The following AGTR1 variants were observed in gnomAD, a reference collection of about 807,000 sequenced individuals.
AGTR1 encodes angiotensin II receptor type 1.
In AGTR1, 16 loss-of-function variants were observed where a neutral mutation model predicts 19.4. That is an observed-to-expected ratio of 0.82 (90% confidence interval 0.56 to 1.25). AGTR1 has a LOEUF of 1.25. AGTR1 is among the 50% of genes most tolerant of loss of function. The pLI is 0.00. For synonymous variants in AGTR1, 153 were observed against 154.9 expected (o/e 0.99, Z 0.09); for missense variants, 373 against 431.9 (o/e 0.86, Z 1.21).
chr3:148,705,144 G>A (rs995994963), intron 1 of AGTR1, among the ~76,000 whole-genome samples: 2 of 152,144 alleles, frequency 1.3e-5, no homozygotes, highest in South Asian at 2.1e-4. Flanking sequence ...CCCAATATTT[G>A]TGGCTGTGGC....
At chr3:148,707,762 GTGCCCACCACTTAA>G (rs1712752311) in intron 1 of AGTR1, among the ~76,000 whole-genome samples, 168 bp from the exon 2 acceptor site, 1 of 152,130 alleles carries the variant, frequency 6.6e-6, no homozygotes, top group African/African-American at 2.4e-5. Flanking sequence ...ATGAGATCCT[GTGCCCACCACTTAA>G]TGCAGTCTAG....
At position 148,741,744 on chromosome 3, in the gene AGTR1, G is replaced by T. The variant is rs1216176664; in HGVS notation, c.709G>T (p.Asp237Tyr). 1.9e-6 allele frequency: 3 copies of T among 1,613,730 alleles called. No homozygotes were observed. Among genetic ancestry groups the T allele is most frequent in the African/African-American group, 1.3e-5 (1 of 75,006 alleles). ...EIQKNKPRND[D>Y]IFKIIMAIVL... ...TCAGAAGAACAAACCAAGAAATGAT[G>T]ATATTTTTAAGATAATTATGGCAAT... The change falls in exon 3 of 3, where the codon GAT becomes TAT. Residue 237 changes from aspartate (D) to tyrosine (Y), a missense_variant. Coordinates refer to ENST00000349243, the MANE Select transcript of AGTR1 (RefSeq NM_000685.5).
intron 2 of AGTR1, among the ~76,000 whole-genome samples, chr3:148,720,551 C>A (rs1266434999): frequency 6.6e-6 from 1 of 152,096 alleles, no homozygotes; most frequent in African/African-American, 2.4e-5. Flanking sequence ...CATTGCCCTG[C>A]ATGAATAGTA....
intron 2 of AGTR1, among the ~76,000 whole-genome samples, chr3:148,734,888 C>A (rs1321997617): frequency 2.0e-5 from 3 of 152,180 alleles, no homozygotes; most frequent in African/African-American, 7.2e-5. Context: ...TAGGTTTAAG[C>A]AACTTATTTG....
chr3:148,727,679 G>A (rs1392707451), intron 2 of AGTR1, among the ~76,000 whole-genome samples: 1 of 152,162 alleles, frequency 6.6e-6, no homozygotes, highest in Non-Finnish European at 1.5e-5. Flanking sequence ...CTGTTTGAGA[G>A]CTCCTACTAA....
intron 1 of AGTR1, among the ~76,000 whole-genome samples, chr3:148,707,169 T>C (rs1964102): frequency 1.3e-5 from 2 of 151,928 alleles, no homozygotes; most frequent in East Asian, 3.9e-4. Flanking sequence ...GGAAATCTGC[T>C]AGCCATCATA....
intron 2 of AGTR1, among the ~76,000 whole-genome samples, chr3:148,715,959 C>A (rs1439752503): frequency 1.3e-5 from 2 of 152,110 alleles, no homozygotes; most frequent in African/African-American, 4.8e-5. Flanking sequence ...ACAACTAGTA[C>A]CCTGATGGAA....
chr3:148,717,191 C>CA (rs1207578186), intron 2 of AGTR1, among the ~76,000 whole-genome samples: 1 of 151,798 alleles, frequency 6.6e-6, no homozygotes, highest in Non-Finnish European at 1.5e-5. Context: ...TAAAGGAAGA[C>CA]AAAAAAGATC....
intron 1 of AGTR1, among the ~76,000 whole-genome samples, chr3:148,706,303 G>A (rs1712665680): frequency 1.3e-5 from 2 of 151,768 alleles, no homozygotes; most frequent in Admixed American, 6.6e-5. Context: ...CATTTTATGG[G>A]AACTTTCTTT....
At chr3:148,730,936 C>T (rs1576536177) in intron 2 of AGTR1, among the ~76,000 whole-genome samples, 1 of 152,138 alleles carries the variant, frequency 6.6e-6, no homozygotes, top group East Asian at 1.9e-4. Flanking sequence ...GTGATGAGCA[C>T]TTGAAATGTC....
At chr3:148,740,785 T>C (rs1290991104) in intron 2 of AGTR1, among the ~76,000 whole-genome samples, 1 of 152,238 alleles carries the variant, frequency 6.6e-6, no homozygotes, top group Non-Finnish European at 1.5e-5. Flanking sequence ...TACCATTTTC[T>C]ACAAAAGCAA....
chr3:148,726,170 G>A (rs965244824), intron 2 of AGTR1, among the ~76,000 whole-genome samples: 2 of 151,752 alleles, frequency 1.3e-5, no homozygotes, highest in African/African-American at 4.8e-5. Context: ...CCCAATTCTA[G>A]TTCTAAGTTT....
chr3:148,739,188 G>A (rs1027499402), intron 2 of AGTR1, among the ~76,000 whole-genome samples: 4 of 151,990 alleles, frequency 2.6e-5, no homozygotes, highest in East Asian at 1.9e-4. Flanking sequence ...GCAAAACCCC[G>A]TCTCTACTAA....
At position 148,741,188 on chromosome 3, in the gene AGTR1, A is replaced by G. The variant is rs1714852761; in HGVS notation, c.153A>G (p.Ile51Met). Reference protein sequence around the residue: ...VGIFGNSLVVIVIYFYMKLKT... With the variant: ...VGIFGNSLVVMVIYFYMKLKT... The stretch of plus-strand genomic sequence containing the variant: ...TATTTGGAAACAGCTTGGTGGTGAT[A>G]GTCATTTACTTTTATATGAAGCTGA... Residue 51 changes from isoleucine to methionine, a missense_variant, in exon 3 of 3, where the codon ATA becomes ATG. Coordinates refer to ENST00000349243, the MANE Select transcript of AGTR1 (RefSeq NM_000685.5). 1.9e-6 allele frequency: 3 copies of G among 1,614,152 alleles called. No homozygotes were observed. Among genetic ancestry groups the G allele is most frequent in the Non-Finnish European group, 2.5e-6 (3 of 1,180,024 alleles).
chr3:148,711,184 A>G lies in AGTR1; in HGVS notation c.-48+3157A>G, dbSNP rs139604603. Among the ~76,000 whole-genome samples, 712 of 152,288 alleles carry G rather than the reference A, an allele frequency of 4.7e-3. 10 individuals carry two copies. The highest frequency in any genetic ancestry group is 0.017 in the African/African-American group (694 of 41,558). On this transcript the variant is annotated intron_variant, in intron 2 of 2. Transcript: ENST00000349243. ...TCCTGCTGTATTCTTAAAGTTCTTA[A>G]TCACTATTTGTCACTAATACGATAA...
rs1188854735 is a variant in AGTR1 at position 148,709,233 on chromosome 3, A to G, written c.-48+1206A>G. Among the ~76,000 whole-genome samples, 8 of 152,216 alleles carry G rather than the reference A, an allele frequency of 5.3e-5. No individual in the cohort carries two copies. In the East Asian group the frequency reaches 1.5e-3, roughly 29 times the overall value. ...GTATTAAGATGCATATCCTAGGATG[A>G]CACAAAGACAGTATGCTTTATTTTA... On this transcript the variant is annotated intron_variant, in intron 2 of 2. Transcript: ENST00000349243.
At chr3:148,728,356 G>A (rs868458494) in intron 2 of AGTR1, among the ~76,000 whole-genome samples, 1 of 152,144 alleles carries the variant, frequency 6.6e-6, no homozygotes, top group African/African-American at 2.4e-5. Flanking sequence ...CTAATATTAA[G>A]CCACTATTAT....
At chr3:148,730,341 G>C in intron 2 of AGTR1, 1 of 393,460 alleles carries the variant, frequency 2.5e-6, no homozygotes, top group Non-Finnish European at 4.5e-6. Context: ...TTCTCAGGTA[G>C]ATCTTAGTTC....
At chr3:148,735,548 G>A (rs1438916658) in intron 2 of AGTR1, among the ~76,000 whole-genome samples, 2 of 152,102 alleles carry the variant, frequency 1.3e-5, no homozygotes, top group Non-Finnish European at 2.9e-5. Flanking sequence ...AAAGCAATTG[G>A]GTAGGGGCTC....
Sources: allele counts gnomAD v4.1 joint callset (sites outside exome capture counted in the v4.1 genomes callset), GRCh38; gene constraint gnomAD v4.1.1; transcripts MANE v1.5; gene names NCBI Gene and HGNC (gene_info 2026-07-23, HGNC 2026-07-21).